The following GPC6 variants were observed in gnomAD, a reference collection of about 807,000 sequenced individuals.
GPC6 encodes glypican 6.
GPC6 carries 14 observed loss-of-function variants against 55.2 expected under a neutral mutation model. That is an observed-to-expected ratio of 0.25 (90% CI 0.17 to 0.40). GPC6 has a LOEUF of 0.40. GPC6 is among the 10% of genes least tolerant of loss of function. GPC6 has a pLI of 1.00. For synonymous variants in GPC6, 278 were observed against 259.6 expected, an observed-to-expected ratio of 1.07 and a Z score of -0.68; for missense variants, 641 against 708.5, an observed-to-expected ratio of 0.90 and a Z score of 1.08.
intron 1 of GPC6, among the ~76,000 whole-genome samples, chr13:93,367,243 G>A (rs1881283131): frequency 6.6e-6 from 1 of 151,934 alleles, no homozygotes; most frequent in African/African-American, 2.4e-5. Context: ...AGTGTCAATT[G>A]TGTGGACAAT....
intron 4 of GPC6, among the ~76,000 whole-genome samples, chr13:94,240,824 T>C (rs1438014248): frequency 3.3e-5 from 5 of 152,078 alleles, no homozygotes; most frequent in Non-Finnish European, 7.4e-5. Flanking sequence ...GCAGGTCTTT[T>C]AGGCACCTGC....
At position 93,226,914 on chromosome 13, in the gene GPC6, C is replaced by T. The variant is rs765652909; in HGVS notation, c.-543C>T. On this transcript the variant is annotated 5_prime_UTR_variant, in exon 1 of 9. Transcript: ENST00000377047. ...CAGCCTGTGTTAAGCTGAGGTTTCCCCTAGATCTCGTATATCCCCAACACA... is the reference window on the plus strand; with the variant it reads ...CAGCCTGTGTTAAGCTGAGGTTTCCTCTAGATCTCGTATATCCCCAACACA... 6.5e-6 allele frequency: 1 copy of T among 152,718 alleles called. No individual in the cohort carries two copies. Among genetic ancestry groups the T allele is most frequent in the Non-Finnish European group, 1.5e-5 (1 of 68,146 alleles). The allele number at this position is 152,718 out of a possible 1,614,324, so 9.5% of individuals were successfully genotyped here. A position where few individuals can be genotyped will look rare whatever the true frequency, so the allele number is the denominator to read the frequency against.
At chr13:93,419,529 G>C (rs1314018108) in intron 1 of GPC6, among the ~76,000 whole-genome samples, 1 of 151,974 alleles carries the variant, frequency 6.6e-6, no homozygotes, top group East Asian at 1.9e-4. Context: ...CTAAGTGCTT[G>C]GAATATTATT....
chr13:93,764,850 A>G (rs969978675), intron 2 of GPC6, among the ~76,000 whole-genome samples: 5 of 152,156 alleles, frequency 3.3e-5, no homozygotes, highest in Non-Finnish European at 5.9e-5. Flanking sequence ...CCCAGGCTGG[A>G]GTGTAGTGGC....
Position 93,646,908 on chromosome 13 carries a change from A to G in GPC6, c.319+101487A>G, listed in dbSNP as rs1161911816. On this transcript the variant is annotated intron_variant, in intron 2 of 8. Coordinates refer to ENST00000377047, the MANE Select transcript of GPC6 (RefSeq NM_005708.5). ...ACTTGTGCTTGAAAAGCAAAGTAGA[A>G]GTGAAACCTTCCTTGACTTTGTAAT... Among the ~76,000 whole-genome samples the G allele has an allele frequency of 3.9e-5, 6 of 152,226 alleles. No homozygotes were observed. In the East Asian group the frequency reaches 9.7e-4, roughly 25 times the overall value.
At chr13:93,425,728 C>A (rs910746171) in intron 1 of GPC6, among the ~76,000 whole-genome samples, 1 of 152,146 alleles carries the variant, frequency 6.6e-6, no homozygotes, top group African/African-American at 2.4e-5. Flanking sequence ...AAACTGCAAA[C>A]CTCTCACCAT....
At chr13:93,234,626 C>T (rs1876169419) in intron 1 of GPC6, among the ~76,000 whole-genome samples, 1 of 151,458 alleles carries the variant, frequency 6.6e-6, no homozygotes, top group African/African-American at 2.4e-5. Context: ...ACTTACTTAG[C>T]ATCTACTATG....
intron 3 of GPC6, among the ~76,000 whole-genome samples, chr13:93,899,583 A>T (rs960098086): frequency 6.6e-6 from 1 of 152,118 alleles, no homozygotes; most frequent in African/African-American, 2.4e-5. Flanking sequence ...TGAAAGAATG[A>T]ATCAATGCAT....
At chr13:94,277,813 A>G (rs931036746) in intron 4 of GPC6, among the ~76,000 whole-genome samples, 9 of 152,188 alleles carry the variant, frequency 5.9e-5, no homozygotes, top group African/African-American at 1.4e-4. Context: ...TACCAGTACC[A>G]TGCTGTTTTC....
intron 2 of GPC6, among the ~76,000 whole-genome samples, chr13:93,766,339 T>G (rs1885130335): frequency 6.6e-6 from 1 of 152,132 alleles, no homozygotes; most frequent in Non-Finnish European, 1.5e-5. Context: ...AGTCTGAAAC[T>G]TTTCCTTTGT....
chr13:93,910,079 G>GTGTGTA (rs933835585), intron 3 of GPC6, among the ~76,000 whole-genome samples: 16 of 152,076 alleles, frequency 1.1e-4, no homozygotes, highest in African/African-American at 3.9e-4. Flanking sequence ...GTGTGTGTGT[G>GTGTGTA]TCTTTGTGGC....
chr13:93,646,315 T>A (rs1298997327), intron 2 of GPC6, among the ~76,000 whole-genome samples: 1 of 152,142 alleles, frequency 6.6e-6, no homozygotes, highest in African/African-American at 2.4e-5. Flanking sequence ...GTTTAGATTC[T>A]GTTTTTTTCA....
chr13:93,762,211 A>G (rs1301731919), intron 2 of GPC6, among the ~76,000 whole-genome samples: 1 of 152,224 alleles, frequency 6.6e-6, no homozygotes, highest in Admixed American at 6.5e-5. Context: ...CTTTAAAAAC[A>G]GAATGCTATT....
At chr13:93,942,222 A>G (rs769603670) in intron 3 of GPC6, among the ~76,000 whole-genome samples, 47 of 152,244 alleles carry the variant, frequency 3.1e-4, no homozygotes, top group Non-Finnish European at 5.9e-4. Context: ...GAAACTTAGC[A>G]GCTTAAAGCA....
intron 6 of GPC6, among the ~76,000 whole-genome samples, chr13:94,381,739 A>C (rs962130516): frequency 1.3e-5 from 2 of 152,222 alleles, no homozygotes; most frequent in African/African-American, 4.8e-5. Context: ...CTGCAAGTGA[A>C]AAGTCAGTGT....
intron 4 of GPC6, among the ~76,000 whole-genome samples, chr13:94,241,557 G>A (rs1263611841): frequency 2.0e-5 from 3 of 152,170 alleles, no homozygotes; most frequent in Admixed American, 6.5e-5. Flanking sequence ...ATTGCACAGT[G>A]CAGAGATGGT....
At chr13:93,862,612 AC>A (rs143774876) in intron 3 of GPC6, among the ~76,000 whole-genome samples, 5,791 of 151,568 alleles carry the variant, frequency 0.038, 349 homozygotes, top group African/African-American at 0.13. Context: ...TATATATACA[AC>A]CCCCACCACA....
rs35783811 is a variant in GPC6, at chr13:93,890,716, A to ATT, written c.711+60187_711+60188dup. 1.4e-3 allele frequency among the ~76,000 whole-genome samples: 177 copies of ATT among 125,382 alleles called. 1 individual carries two copies. Among genetic ancestry groups the ATT allele is most frequent in the African/African-American group, 1.6e-3 (50 of 30,320 alleles). The allele number at this position is 125,382 out of a possible 152,430, so 82.3% of individuals were successfully genotyped here. A position where few individuals can be genotyped will look rare whatever the true frequency, so the allele number is the denominator to read the frequency against. ...AGTTTTCTGTTATAAATTTTACTTA[A>ATT]TTTTTTTTTTTTTTTTTGCTTAGAA... On this transcript the variant is annotated intron_variant, in intron 3 of 8. Coordinates refer to ENST00000377047, the MANE Select transcript of GPC6 (RefSeq NM_005708.5).
chr13:93,585,830 G>T (rs1877172343), intron 2 of GPC6, among the ~76,000 whole-genome samples: 1 of 152,180 alleles, frequency 6.6e-6, no homozygotes, highest in Non-Finnish European at 1.5e-5. Flanking sequence ...ATTTTAAAAT[G>T]AAGATATGGC....
Sources: allele counts gnomAD v4.1 joint callset (sites outside exome capture counted in the v4.1 genomes callset), GRCh38; gene constraint gnomAD v4.1.1; transcripts MANE v1.5; gene names NCBI Gene and HGNC (gene_info 2026-07-23, HGNC 2026-07-21).